Variants in LOC131768270 observed in about 807,000 individuals in gnomAD.
At chr5:140,567,678 G>A in the LOC131768270 span, 3 of 1,613,972 alleles carry the variant, frequency 1.9e-6, no homozygotes, top group Non-Finnish European at 1.7e-6. Context: ...ACCCTTCCCA[G>A]TCCCCCTCCA....
At chr5:140,567,919 AGGATGG>A in the LOC131768270 span, 3 of 1,614,214 alleles carry the variant, frequency 1.9e-6, no homozygotes, top group Non-Finnish European at 2.5e-6. Flanking sequence ...AAGGTTTCTC[AGGATGG>A]GCAGCACTCG....
the LOC131768270 span, chr5:140,565,868 C>G: frequency 2.5e-6 from 1 of 398,888 alleles, no homozygotes; most frequent in Non-Finnish European, 4.4e-6. Context: ...TCTCGCTTGT[C>G]CTAGGATTCT....
At chr5:140,566,754 C>T in the LOC131768270 span, 6 of 594,916 alleles carry the variant, frequency 1.0e-5, no homozygotes, top group African/African-American at 3.7e-5. Flanking sequence ...ACGCAAGGGG[C>T]CCGACTAGCT....
the LOC131768270 span, chr5:140,567,951 C>T: frequency 6.2e-7 from 1 of 1,614,222 alleles, no homozygotes; most frequent in South Asian, 1.1e-5. Flanking sequence ...CTGAGCCAGG[C>T]ACTAAATGGA....
At chr5:140,568,051 A>T in the LOC131768270 span, 7 of 1,613,856 alleles carry the variant, frequency 4.3e-6, no homozygotes, top group African/African-American at 6.7e-5. Context: ...CCGTGCTCTC[A>T]GCAGTCCTGC....
the LOC131768270 span, chr5:140,565,010 AGT>A: frequency 2.5e-6 from 1 of 398,870 alleles, no homozygotes. Flanking sequence ...AACAGTGTGG[AGT>A]GGTGTGGGGA....
chr5:140,567,045 C>A, the LOC131768270 span: 1 of 1,473,810 alleles, frequency 6.8e-7, no homozygotes, highest in Non-Finnish European at 9.4e-7. Context: ...TGCCTCTGAT[C>A]CTCAGTATTC....
chr5:140,567,749 C>T, the LOC131768270 span: 3 of 1,614,034 alleles, frequency 1.9e-6, no homozygotes, highest in African/African-American at 4.0e-5. Flanking sequence ...GCTCCTCATT[C>T]TGTACTGCCT....
the LOC131768270 span, chr5:140,565,210 C>T: frequency 3.3e-6 from 1 of 299,530 alleles, no homozygotes; most frequent in African/African-American, 2.1e-5. Context: ...GACACTCACA[C>T]CACCCTCATT....
chr5:140,567,602 G>A, the LOC131768270 span: 2 of 1,614,256 alleles, frequency 1.2e-6, no homozygotes, highest in Non-Finnish European at 1.7e-6. Flanking sequence ...TCAGGGGTTA[G>A]CGCTGCTGCT....
the LOC131768270 span, chr5:140,568,133 G>A: frequency 3.1e-6 from 5 of 1,613,416 alleles, no homozygotes; most frequent in Non-Finnish European, 3.4e-6. Flanking sequence ...CCTGTACTAT[G>A]GCAGCCGCTA....
At chr5:140,567,094 T>C in the LOC131768270 span, 1 of 1,606,726 alleles carries the variant, frequency 6.2e-7, no homozygotes, top group Non-Finnish European at 8.5e-7. Context: ...TCCTGGGAGC[T>C]GGCTCCATAA....
the LOC131768270 span, chr5:140,567,734 C>T: frequency 9.9e-6 from 16 of 1,614,054 alleles, no homozygotes; most frequent in Non-Finnish European, 1.4e-5. Context: ...TCCGCTAGGC[C>T]TGCTGCTCCT....
the LOC131768270 span, among the ~76,000 whole-genome samples, chr5:140,566,175 T>A: frequency 6.6e-6 from 1 of 152,140 alleles, no homozygotes; most frequent in Non-Finnish European, 1.5e-5. Context: ...GAAAGAACAT[T>A]CCAGGCAGAA....
At chr5:140,566,953 C>T in the LOC131768270 span, 6 of 732,832 alleles carry the variant, frequency 8.2e-6, no homozygotes, top group Non-Finnish European at 1.4e-5. Context: ...CCCTTCCTAG[C>T]TCCATGGGAC....
At chr5:140,567,202 G>C in the LOC131768270 span, 1 of 1,613,268 alleles carries the variant, frequency 6.2e-7, no homozygotes, top group Non-Finnish European at 8.5e-7. Context: ...TGCCAGGCCT[G>C]GGCCGTCCCA....
the LOC131768270 span, chr5:140,568,056 T>A: frequency 6.2e-7 from 1 of 1,613,966 alleles, no homozygotes; most frequent in South Asian, 1.1e-5. Context: ...CTCTCAGCAG[T>A]CCTGCTACGG....
the LOC131768270 span, chr5:140,566,678 C>T: frequency 1.9e-6 from 1 of 514,356 alleles, no homozygotes; most frequent in Non-Finnish European, 3.4e-6. Context: ...GCACTGGCAT[C>T]TATGCGGCTC....
chr5:140,567,887 G>T, the LOC131768270 span: 2 of 1,614,178 alleles, frequency 1.2e-6, no homozygotes, highest in Non-Finnish European at 1.7e-6. Context: ...TGCTGGCGGC[G>T]GCTCTGGCCC....
Sources: gnomAD v4.1 joint callset for allele counts (sites outside exome capture counted in the v4.1 genomes callset) on GRCh38, gnomAD v4.1.1 for gene constraint, MANE v1.5 for transcripts.